PDE5A: variants seen among roughly 807,000 people sequenced by gnomAD.
PDE5A encodes the protein cGMP-specific 3',5'-cyclic phosphodiesterase.
In PDE5A, 67 loss-of-function variants were observed where a neutral mutation model predicts 110.2. The ratio of observed to expected loss-of-function variants is 0.61; its 90% CI spans 0.50 to 0.75. The LOEUF (loss-of-function observed/expected upper bound fraction) is 0.75. PDE5A is among the 30% of genes least tolerant of loss of function. PDE5A has a pLI of 0.00. For missense variants in PDE5A, 862 were observed against 1,045.1 expected, an observed-to-expected ratio of 0.82 and a Z score of 2.42; for synonymous variants, 328 against 351.2, an observed-to-expected ratio of 0.93 and a Z score of 0.74.
At chr4:119,556,788 G>A (rs1024764913) in intron 7 of PDE5A, among the ~76,000 whole-genome samples, 2 of 152,128 alleles carry the variant, frequency 1.3e-5, no homozygotes, top group African/African-American at 2.4e-5. Context: ...AAAACAAAAC[G>A]AAACAGTATA....
At chr4:119,556,234 A>G (rs970947180) in intron 7 of PDE5A, among the ~76,000 whole-genome samples, 9 of 152,204 alleles carry the variant, frequency 5.9e-5, no homozygotes, top group Admixed American at 1.3e-4. Flanking sequence ...TAGTATTGCC[A>G]TCTGGCTAAG....
rs140408811 is a variant in PDE5A, at chr4:119,556,733, G to A, written c.1200-2987C>T. On this transcript the variant is annotated intron_variant, in intron 7 of 20. Coordinates refer to ENST00000354960, the MANE Select transcript of PDE5A (RefSeq NM_001083.4). ...CAGTTGGTTCAGAATTTTTAAAGGAGAGACATCAGGAATGAAAGGTAGAGT... is the reference window on the plus strand; with the variant it reads ...CAGTTGGTTCAGAATTTTTAAAGGAAAGACATCAGGAATGAAAGGTAGAGT... 4.0e-3 allele frequency among the ~76,000 whole-genome samples: 606 copies of A among 152,166 alleles called. 4 individuals are homozygous for A. The highest frequency in any genetic ancestry group is 6.7e-3 in the Non-Finnish European group (455 of 67,978).
intron 20 of PDE5A, among the ~76,000 whole-genome samples, chr4:119,499,391 A>G (rs1725208206): frequency 6.6e-6 from 1 of 152,204 alleles, no homozygotes; most frequent in South Asian, 2.1e-4. Context: ...GACATTATGG[A>G]TTGCAAAAGG....
chr4:119,507,749 C>T, intron 15 of PDE5A, 45 bp from the exon 16 acceptor site: 1 of 1,213,926 alleles, frequency 8.2e-7, no homozygotes, highest in Non-Finnish European at 1.2e-6. Flanking sequence ...GGAGAAGCTG[C>T]TGACAAGAAC....
intron 14 of PDE5A, among the ~76,000 whole-genome samples, chr4:119,518,237 G>C (rs1725986438): frequency 6.6e-6 from 1 of 152,314 alleles, no homozygotes; most frequent in South Asian, 2.1e-4. Context: ...ATGCTCAGTA[G>C]TAAGAGATCT....
At chr4:119,605,208 A>G (rs1729484334) in intron 2 of PDE5A, among the ~76,000 whole-genome samples, 1 of 152,154 alleles carries the variant, frequency 6.6e-6, no homozygotes, top group Non-Finnish European at 1.5e-5. Flanking sequence ...CTTCATGTCC[A>G]GATTCTTATC....
chr4:119,620,127 T>A (rs1443663781), intron 1 of PDE5A, among the ~76,000 whole-genome samples: 1 of 152,202 alleles, frequency 6.6e-6, no homozygotes, highest in Non-Finnish European at 1.5e-5. Context: ...AATGCCAACA[T>A]CTTCTTTTGA....
At chr4:119,620,929 T>C (rs1260616639) in intron 1 of PDE5A, among the ~76,000 whole-genome samples, 3 of 152,242 alleles carry the variant, frequency 2.0e-5, no homozygotes, top group Non-Finnish European at 2.9e-5. Flanking sequence ...GAAATCATTA[T>C]AGGCCAAATT....
At position 119,525,507 on chromosome 4, in the gene PDE5A, C is replaced by T; in HGVS notation, c.1779+42G>A. ...ATTCTCTCTCTTACATACACACACACATACACATAGACTTTTCCAAAGGAT... is the reference window on the plus strand; with the variant it reads ...ATTCTCTCTCTTACATACACACACATATACACATAGACTTTTCCAAAGGAT... On this transcript the variant is annotated intron_variant, in intron 12 of 20. Coordinates refer to ENST00000354960, the MANE Select transcript of PDE5A (RefSeq NM_001083.4). This position sits in a 1 kb window ranked among gnomAD's most constrained non-coding sequence, Gnocchi z 4.3. 6.3e-7 allele frequency: 1 copy of T among 1,589,394 alleles called. No homozygotes were observed. Among genetic ancestry groups the T allele is most frequent in the Non-Finnish European group, 8.6e-7 (1 of 1,162,322 alleles).
At chr4:119,559,078 TA>T (rs11295209) in intron 7 of PDE5A, among the ~76,000 whole-genome samples, 73,757 of 151,904 alleles carry the variant, frequency 0.49, 18,175 homozygotes, top group South Asian at 0.64. Flanking sequence ...TTAACCTTTA[TA>T]AAAAATATCT....
chr4:119,523,604 C>T (rs1033936227), intron 12 of PDE5A, among the ~76,000 whole-genome samples: 31 of 152,096 alleles, frequency 2.0e-4, no homozygotes, highest in African/African-American at 7.2e-4. Flanking sequence ...GATGATGAAT[C>T]AGACATTAAG....
chr4:119,522,905 A>G (rs1726180734), intron 12 of PDE5A, among the ~76,000 whole-genome samples: 1 of 152,092 alleles, frequency 6.6e-6, no homozygotes, highest in South Asian at 2.1e-4. Context: ...ATCAGTCTCT[A>G]ACAATTATGG....
At chr4:119,553,161 T>G (rs895583802) in intron 8 of PDE5A, among the ~76,000 whole-genome samples, 6 of 151,794 alleles carry the variant, frequency 4.0e-5, no homozygotes, top group Non-Finnish European at 5.9e-5. Context: ...CCTGAAGAGG[T>G]GAGAGAAAAT....
At chr4:119,611,757 T>A (rs1002305018) in intron 1 of PDE5A, among the ~76,000 whole-genome samples, 2 of 152,258 alleles carry the variant, frequency 1.3e-5, no homozygotes, top group Non-Finnish European at 2.9e-5. Context: ...CCACCAGTGG[T>A]AGGGAAAGAG....
intron 7 of PDE5A, among the ~76,000 whole-genome samples, chr4:119,558,312 A>G (rs958989528): frequency 1.3e-5 from 2 of 152,198 alleles, no homozygotes; most frequent in Non-Finnish European, 2.9e-5. Context: ...TCTTCAGTAT[A>G]TTAATTTATG....
chr4:119,615,638 A>T (rs1366456154), intron 1 of PDE5A, among the ~76,000 whole-genome samples: 1 of 152,104 alleles, frequency 6.6e-6, no homozygotes, highest in Non-Finnish European at 1.5e-5. Flanking sequence ...AGAAAAAAAA[A>T]AGAGAACAGT....
intron 3 of PDE5A, among the ~76,000 whole-genome samples, chr4:119,575,943 T>C (rs1410462449): frequency 6.6e-6 from 1 of 152,050 alleles, no homozygotes; most frequent in African/African-American, 2.4e-5. Context: ...AGGAAACCCA[T>C]CTCAAGTGCA....
chr4:119,560,328 C>T lies in PDE5A; in HGVS notation c.1167G>A (p.Glu389=), dbSNP rs745963975. The change falls in exon 7 of 21, where the codon GAG becomes GAA. Residue 389 remains glutamate (E), a synonymous_variant. Transcript: ENST00000354960. ...ATGTATCAGATGATTTTTCTAATTC[C>T]TCACACTCCATGTGAAACACACTAG... ...SFSSVFHMEC[E]ELEKSSDTLT... is the part of the protein sequence containing the mutation. 6.3e-7 allele frequency: 1 copy of T among 1,590,116 alleles called. No homozygotes were observed. The highest frequency in any genetic ancestry group is 8.6e-7 in the Non-Finnish European group (1 of 1,168,858).
chr4:119,507,084 C>T (rs1488310659), intron 16 of PDE5A, among the ~76,000 whole-genome samples: 1 of 151,928 alleles, frequency 6.6e-6, no homozygotes, highest in East Asian at 1.9e-4. Context: ...TGCATAATCA[C>T]AGAGACAACT....
Sources: gnomAD v4.1 joint callset for allele counts (sites outside exome capture counted in the v4.1 genomes callset) on GRCh38, gnomAD v4.1.1 for gene constraint, Gnocchi (gnomAD v3.1) non-coding constraint, MANE v1.5 for transcripts, NCBI Gene and HGNC (gene_info 2026-07-23, HGNC 2026-07-21) for gene names.